MTMR6: variants seen among roughly 807,000 people sequenced by gnomAD.
The protein encoded by MTMR6 is myotubularin related protein 6.
MTMR6 carries 47 observed loss-of-function variants against 80.1 expected under a neutral mutation model. The observed-to-expected ratio is 0.59, with a 90% CI of 0.46 to 0.75. MTMR6 has a LOEUF of 0.75. MTMR6 is among the 30% of genes least tolerant of loss of function. The pLI, the probability that MTMR6 is intolerant of heterozygous loss-of-function variation, is 0.00. For missense variants in MTMR6, 629 were observed against 730.9 expected, an observed-to-expected ratio of 0.86 and a Z score of 1.61; for synonymous variants, 254 against 253.0, an observed-to-expected ratio of 1.00 and a Z score of -0.04.
intron 3 of MTMR6, 94 bp from the exon 4 acceptor site, chr13:25,266,380 C>G (rs1296449343): frequency 9.1e-7 from 1 of 1,101,718 alleles, no homozygotes; most frequent in Admixed American, 2.7e-5. Flanking sequence ...CTTCATTTTT[C>G]TCTTTACAAT....
intron 1 of MTMR6, among the ~76,000 whole-genome samples, chr13:25,276,359 T>C (rs1001649895): frequency 3.3e-5 from 5 of 152,308 alleles, no homozygotes; most frequent in African/African-American, 1.2e-4. Context: ...GAGTTTCAAA[T>C]AGCTTCTCAG....
chr13:25,283,906 A>G lies in MTMR6; in HGVS notation c.24+3318T>C, dbSNP rs1369855478. On this transcript the variant is annotated intron_variant, in intron 1 of 13. Coordinates refer to ENST00000381801, the MANE Select transcript of MTMR6 (RefSeq NM_004685.5). ...GCTCAAAGCGATAGGTAGTAGCTGC[A>G]TGATTCATAAGTGTAGCTTGGAAAT... 3.3e-5 allele frequency among the ~76,000 whole-genome samples: 5 copies of G among 152,352 alleles called. No individual in the cohort carries two copies. The East Asian group carries it at 7.7e-4, about 23-fold the overall frequency.
chr13:25,274,406 A>G (rs1481277308), intron 1 of MTMR6, among the ~76,000 whole-genome samples: 6 of 152,200 alleles, frequency 3.9e-5, no homozygotes, highest in Non-Finnish European at 7.3e-5. Context: ...ACCAATAGAG[A>G]ACCACATTGT....
chr13:25,249,919 T>C (rs190935978), intron 13 of MTMR6, among the ~76,000 whole-genome samples: 5 of 152,306 alleles, frequency 3.3e-5, no homozygotes, highest in African/African-American at 1.2e-4. Flanking sequence ...TTTCCTACAG[T>C]GGTTTGTTAG....
At position 25,274,166 on chromosome 13, in the gene MTMR6, C is replaced by T. The variant is rs1220303952; in HGVS notation, c.46G>A (p.Asp16Asn). Reference sequence around the variant, plus strand: ...GACTTGTTGCTGGTACTGAATCGGTCAAGTAATTTTACTTGTTCGACCTAA... The same window carrying T: ...GACTTGTTGCTGGTACTGAATCGGTTAAGTAATTTTACTTGTTCGACCTAA... ...TTKVEQVKLL[D>N]RFSTSNKSLT... The change falls in exon 2 of 14, where the codon GAC (aspartate) becomes AAC (asparagine). Residue 16 changes from aspartate (D) to asparagine (N), a missense_variant. Physicochemically the swap from Asp to Asn is conservative, Grantham distance 23. Transcript: ENST00000381801. 6.2e-7 allele frequency: 1 copy of T among 1,608,450 alleles called. No individual in the cohort carries two copies. The highest frequency in any genetic ancestry group is 1.7e-5 in the Admixed American group (1 of 59,406).
rs955919192 is a variant in MTMR6 at position 25,287,305 on chromosome 13, C to T, written c.-58G>A. ...CAGGCGTACCATACGGCTACAGAAACAGGGCGGTGACAGCGACAGAGAGCA... is the reference window on the plus strand; with the variant it reads ...CAGGCGTACCATACGGCTACAGAAATAGGGCGGTGACAGCGACAGAGAGCA... On this transcript the variant is annotated 5_prime_UTR_variant, in exon 1 of 14. Transcript: ENST00000381801. The T allele has an allele frequency of 1.1e-4, 177 of 1,558,988 alleles. No homozygotes were observed. The highest frequency in any genetic ancestry group is 1.7e-4 in the Middle Eastern group (1 of 6,038).
At chr13:25,266,370 CTTCAT>C (rs1290605318) in intron 3 of MTMR6, 84 bp from the exon 4 acceptor site, 19 of 1,171,408 alleles carry the variant, frequency 1.6e-5, no homozygotes, top group Non-Finnish European at 2.0e-5. Context: ...AGTTTTCTTC[CTTCAT>C]TTTTCTCTTT....
chr13:25,266,824 GAGA>G (rs1027666683), intron 3 of MTMR6, among the ~76,000 whole-genome samples: 2 of 152,202 alleles, frequency 1.3e-5, no homozygotes, highest in Admixed American at 6.5e-5. Flanking sequence ...TGTGCTCAGA[GAGA>G]AGAATGAACA....
At chr13:25,249,920 G>A (rs1262409628) in intron 13 of MTMR6, among the ~76,000 whole-genome samples, 1 of 152,112 alleles carries the variant, frequency 6.6e-6, no homozygotes, top group East Asian at 1.9e-4. Context: ...TTCCTACAGT[G>A]GTTTGTTAGG....
intron 5 of MTMR6, among the ~76,000 whole-genome samples, chr13:25,263,095 G>C (rs1957374667): frequency 6.6e-6 from 1 of 152,052 alleles, no homozygotes; most frequent in Non-Finnish European, 1.5e-5. Context: ...CAGGGACAAA[G>C]AGAATGGGAA....
At chr13:25,259,009 C>T (rs768408302) in intron 6 of MTMR6, among the ~76,000 whole-genome samples, 5 of 152,142 alleles carry the variant, frequency 3.3e-5, no homozygotes, top group Non-Finnish European at 7.4e-5. Context: ...AAAGAAATGT[C>T]TCCTATCTAA....
intron 13 of MTMR6, among the ~76,000 whole-genome samples, chr13:25,250,919 A>G (rs1473531189): frequency 6.6e-6 from 1 of 152,246 alleles, no homozygotes; most frequent in African/African-American, 2.4e-5. Context: ...AAATATTTTA[A>G]GTCAAGAAAA....
Position 25,251,890 on chromosome 13 carries a change from T to C in MTMR6, c.1441A>G (p.Thr481Ala). 9 of 1,607,768 alleles carry C rather than the reference T, an allele frequency of 5.6e-6. No individual in the cohort carries two copies. The highest frequency in any genetic ancestry group is 7.6e-6 in the Non-Finnish European group (9 of 1,178,356). ...PLYSSESHRF[T>A]VLEPNTVSFN... ...GATACTGTATTTGGCTCCAAAACTG[T>C]AAATCTGTGAGATTCGGAACTGTAG... Residue 481 changes from threonine to alanine, a missense_variant, in exon 12 of 14, where the codon ACA (threonine) becomes GCA (alanine). Thr to Ala is a moderately conservative substitution (Grantham distance 58). Transcript: ENST00000381801. The surrounding 1 kb of genome is among the most constrained non-coding windows in gnomAD (Gnocchi z 4.1).
At chr13:25,261,551 A>T in intron 6 of MTMR6, 117 bp downstream of exon 6, 1 of 883,026 alleles carries the variant, frequency 1.1e-6, no homozygotes, top group Non-Finnish European at 1.6e-6. Flanking sequence ...CATTAGCCTT[A>T]GTTAATTTAA....
In MTMR6 at chr13:25,278,071, C is replaced by G. The variant is rs1016367337; in HGVS notation, c.25-3884G>C. 2.6e-5 allele frequency among the ~76,000 whole-genome samples: 4 copies of G among 152,322 alleles called. No individual in the cohort carries two copies. The South Asian group carries it at 8.3e-4, about 32-fold the overall frequency. On this transcript the variant is annotated intron_variant, in intron 1 of 13. Coordinates refer to ENST00000381801, the MANE Select transcript of MTMR6 (RefSeq NM_004685.5). Reference sequence around the variant, plus strand: ...CCTCACCCCAACTTCACTCAGTTATCTGAGGAGATGGAGACTAAGAATCCG... The same window carrying G: ...CCTCACCCCAACTTCACTCAGTTATGTGAGGAGATGGAGACTAAGAATCCG...
At position 25,250,607 on chromosome 13, in the gene MTMR6, A is replaced by T. The variant is rs1593140007; in HGVS notation, c.1605+1042T>A. ...TGTAATCATGGAAATCCAAAACTGA[A>T]AACAATTTAAATATTCATCCATAGC... On this transcript the variant is annotated intron_variant, in intron 13 of 13. Transcript: ENST00000381801. Among the ~76,000 whole-genome samples the T allele has an allele frequency of 2.0e-5, 3 of 152,372 alleles. No individual in the cohort carries two copies. The South Asian group carries it at 6.2e-4, about 32-fold the overall frequency.
intron 6 of MTMR6, among the ~76,000 whole-genome samples, chr13:25,260,909 CTAAGT>C (rs1566037546): frequency 3.3e-5 from 5 of 152,102 alleles, no homozygotes; most frequent in Admixed American, 3.3e-4. Flanking sequence ...TCAATGTTTC[CTAAGT>C]TAACTGTTTT....
intron 6 of MTMR6, chr13:25,260,771 T>G (rs1957316276): frequency 5.3e-6 from 3 of 570,852 alleles, no homozygotes; most frequent in Non-Finnish European, 4.8e-6. Flanking sequence ...ATGAACTGGT[T>G]GTTTAACTAT....
chr13:25,252,883 T>C lies in MTMR6; in HGVS notation c.1346+881A>G, dbSNP rs138042197. ...TTACGCATTTTTAGAATTTTCCACA[T>C]GCTCTCAGTTCTGCTGTTTACTCTG... On this transcript the variant is annotated intron_variant, in intron 11 of 13. Transcript: ENST00000381801. 2.6e-5 allele frequency among the ~76,000 whole-genome samples: 4 copies of C among 152,332 alleles called. No homozygotes were observed. The East Asian group carries it at 7.7e-4, about 29-fold the overall frequency.
Sources: gnomAD v4.1 joint callset for allele counts (sites outside exome capture counted in the v4.1 genomes callset) on GRCh38, gnomAD v4.1.1 for gene constraint, Gnocchi (gnomAD v3.1) non-coding constraint, MANE v1.5 for transcripts, NCBI Gene and HGNC (gene_info 2026-07-23, HGNC 2026-07-21) for gene names.